Variants in ADAMTS6 observed in about 807,000 individuals in gnomAD.
ADAMTS6 encodes the protein ADAM metallopeptidase with thrombospondin type 1 motif 6, also known as A disintegrin and metalloproteinase with thrombospondin motifs 6.
A neutral mutation model predicts 144.3 loss-of-function variants in ADAMTS6; 23 were observed. The observed-to-expected ratio is 0.16, with a 90% CI of 0.11 to 0.23. The LOEUF is 0.23. Among genes scored for constraint, ADAMTS6 ranks in the 10% least tolerant of loss-of-function variants. ADAMTS6 has a pLI of 1.00. For synonymous variants in ADAMTS6, 444 were observed against 457.5 expected (o/e 0.97, Z 0.38); for missense variants, 999 against 1,379.6 (o/e 0.72, Z 4.37).
At chr5:65,459,796 A>G (rs1759510308) in intron 4 of ADAMTS6, among the ~76,000 whole-genome samples, 1 of 152,204 alleles carries the variant, frequency 6.6e-6, no homozygotes, top group African/African-American at 2.4e-5. Flanking sequence ...AGACTCTTCA[A>G]GTCTTATTCA....
intron 9 of ADAMTS6, among the ~76,000 whole-genome samples, chr5:65,322,347 T>C (rs1745696904): frequency 1.3e-5 from 2 of 152,180 alleles, no homozygotes; most frequent in African/African-American, 4.8e-5. Context: ...CCTTGGCTAT[T>C]TATTCAGGCT....
intron 9 of ADAMTS6, among the ~76,000 whole-genome samples, chr5:65,327,744 G>A (rs2150054348): frequency 6.6e-6 from 1 of 152,248 alleles, no homozygotes; most frequent in Middle Eastern, 3.4e-3. Flanking sequence ...AAGATACAAA[G>A]AAAGATAAAC....
chr5:65,299,143 T>C (rs1000247314), intron 10 of ADAMTS6, among the ~76,000 whole-genome samples: 4 of 152,172 alleles, frequency 2.6e-5, no homozygotes, highest in Non-Finnish European at 5.9e-5. Flanking sequence ...GAAATCTTGA[T>C]ATTATTTAAA....
At chr5:65,347,953 C>A (rs1748502965) in intron 7 of ADAMTS6, among the ~76,000 whole-genome samples, 1 of 152,014 alleles carries the variant, frequency 6.6e-6, no homozygotes, top group Non-Finnish European at 1.5e-5. Flanking sequence ...CAGGGAAATG[C>A]AAATTAAAAC....
At chr5:65,170,496 C>T (rs1753549031) in intron 24 of ADAMTS6, 121 bp downstream of exon 24, 2 of 1,147,630 alleles carry the variant, frequency 1.7e-6, no homozygotes, top group Non-Finnish European at 2.4e-6. Flanking sequence ...ATATAAGCAG[C>T]TTTCACAAAT....
chr5:65,175,145 C>T (rs933500275), intron 22 of ADAMTS6, among the ~76,000 whole-genome samples: 1 of 151,490 alleles, frequency 6.6e-6, no homozygotes, highest in Non-Finnish European at 1.5e-5. Flanking sequence ...AGAACAGCAG[C>T]ATAAGTGGCT....
chr5:65,409,309 A>G (rs188015675), intron 7 of ADAMTS6, among the ~76,000 whole-genome samples: 1 of 150,272 alleles, frequency 6.7e-6, no homozygotes, highest in African/African-American at 2.5e-5. Flanking sequence ...AAAAAATGAT[A>G]AAGGGGATAT....
At chr5:65,216,996 A>G (rs1000186440) in intron 18 of ADAMTS6, among the ~76,000 whole-genome samples, 10 of 152,214 alleles carry the variant, frequency 6.6e-5, no homozygotes, top group African/African-American at 2.4e-4. Context: ...GTCATGGTGC[A>G]GAGTCTCTGA....
chr5:65,217,367 C>G (rs1757005122), intron 18 of ADAMTS6, among the ~76,000 whole-genome samples: 1 of 151,182 alleles, frequency 6.6e-6, no homozygotes, highest in Non-Finnish European at 1.5e-5. Flanking sequence ...TTTGAGCTCT[C>G]ACTTCCTTTT....
At chr5:65,351,842 TCAA>T (rs952682796) in intron 7 of ADAMTS6, among the ~76,000 whole-genome samples, 11 of 151,770 alleles carry the variant, frequency 7.2e-5, no homozygotes, top group African/African-American at 2.4e-4. Context: ...GGAAAAAACA[TCAA>T]CAACAACAAA....
rs1746118757 is a variant in ADAMTS6, at chr5:65,325,902, A to C, written c.1223+3476T>G. On this transcript the variant is annotated intron_variant, in intron 9 of 24. Coordinates refer to ENST00000381055, the MANE Select transcript of ADAMTS6 (RefSeq NM_197941.4). ...TAAACAATGTATGATCTTAGAACTCATTTTGTGGAAAAAATCAGACATATA... is the reference window on the plus strand; with the variant it reads ...TAAACAATGTATGATCTTAGAACTCCTTTTGTGGAAAAAATCAGACATATA... Among the ~76,000 whole-genome samples, 7 of 152,296 alleles carry C rather than the reference A, an allele frequency of 4.6e-5. No individual in the cohort carries two copies. The South Asian group carries it at 1.4e-3, about 32-fold the overall frequency.
Position 65,172,989 on chromosome 5 carries a change from G to T in ADAMTS6, c.2930C>A (p.Pro977Gln), listed in dbSNP as rs1753729024. The T allele has an allele frequency of 6.2e-7, 1 of 1,613,646 alleles. No individual in the cohort carries two copies. Among genetic ancestry groups the T allele is most frequent in the East Asian group, 2.2e-5 (1 of 44,876 alleles). Residue 977 changes from proline to glutamine, a missense_variant, in exon 23 of 25, where the codon CCA becomes CAA. This residue lies in a region of ADAMTS6 where 619 missense variants were observed against 837.0 expected (regional missense o/e 0.74). Coordinates refer to ENST00000381055, the MANE Select transcript of ADAMTS6 (RefSeq NM_197941.4). ...DWSECTPKCGPGFKHRIVLCK... is the reference protein window; with the variant it reads ...DWSECTPKCGQGFKHRIVLCK... Reference sequence around the variant, plus strand: ...CAGAACAATCCGATGCTTGAATCCTGGACCACATTTTGGAGTACACTGGAA... The same window carrying T: ...CAGAACAATCCGATGCTTGAATCCTTGACCACATTTTGGAGTACACTGGAA...
At chr5:65,380,190 T>C (rs750136729) in intron 7 of ADAMTS6, among the ~76,000 whole-genome samples, 29 of 152,308 alleles carry the variant, frequency 1.9e-4, no homozygotes, top group Non-Finnish European at 3.8e-4. Flanking sequence ...TGCATCTTGC[T>C]TTTTAAATTT....
chr5:65,352,640 T>G (rs1748969660), intron 7 of ADAMTS6, among the ~76,000 whole-genome samples: 1 of 152,100 alleles, frequency 6.6e-6, no homozygotes, highest in East Asian at 1.9e-4. Context: ...TAAGACACAG[T>G]AATATCATAA....
intron 22 of ADAMTS6, among the ~76,000 whole-genome samples, chr5:65,182,443 CAAAA>C (rs1216237939): frequency 1.4e-4 from 8 of 56,476 alleles, no homozygotes; most frequent in Non-Finnish European, 2.0e-4. Context: ...GACTCCATCT[CAAAA>C]AAAAAAAAAA....
chr5:65,288,051 T>A (rs207466104), intron 11 of ADAMTS6, among the ~76,000 whole-genome samples: 1 of 152,138 alleles, frequency 6.6e-6, no homozygotes, highest in Non-Finnish European at 1.5e-5. Flanking sequence ...AAAGATGATA[T>A]GCAAGAATAA....
chr5:65,290,488 T>A (rs1030128047), intron 11 of ADAMTS6, among the ~76,000 whole-genome samples: 1 of 152,024 alleles, frequency 6.6e-6, no homozygotes, highest in African/African-American at 2.4e-5. Flanking sequence ...GAGACAGAGG[T>A]TGCAGTGAGC....
At chr5:65,181,812 T>C (rs991772305) in intron 22 of ADAMTS6, among the ~76,000 whole-genome samples, 11 of 152,234 alleles carry the variant, frequency 7.2e-5, no homozygotes, top group Non-Finnish European at 2.9e-5. Context: ...AACTCAGTTT[T>C]TGTATTTCGA....
At chr5:65,228,623 A>G (rs1349327537) in intron 15 of ADAMTS6, among the ~76,000 whole-genome samples, 1 of 152,126 alleles carries the variant, frequency 6.6e-6, no homozygotes, top group East Asian at 1.9e-4. Flanking sequence ...CAAATCGAAG[A>G]GGTTTAAGAC....
Sources: gnomAD v4.1 joint callset for allele counts (sites outside exome capture counted in the v4.1 genomes callset) on GRCh38, gnomAD v4.1.1 for gene constraint, gnomAD v4.1.1 regional missense constraint, MANE v1.5 for transcripts, NCBI Gene and HGNC (gene_info 2026-07-23, HGNC 2026-07-21) for gene names.